The following ETS1 variants were observed in gnomAD, a reference collection of about 807,000 sequenced individuals.
ETS1 encodes the protein protein C-ets-1.
In ETS1, 15 loss-of-function variants were observed where a neutral mutation model predicts 58.6. That is an observed-to-expected ratio of 0.26 (90% CI 0.17 to 0.39). The LOEUF (loss-of-function observed/expected upper bound fraction) is 0.39. Among genes scored for constraint, ETS1 ranks in the 10% least tolerant of loss-of-function variants. The pLI, the probability that ETS1 is intolerant of heterozygous loss-of-function variation, is 1.00. For missense variants in ETS1, 417 were observed against 610.5 expected (o/e 0.68, Z 3.34); for synonymous variants, 214 against 218.2 (o/e 0.98, Z 0.17).
chr11:128,484,823 C>G lies in ETS1; in HGVS notation c.862G>C (p.Gly288Arg). ...DNMCMGRTSR[G>R]KLGGQDSFES... ...CTTTTAGAGAAGAAATATGACCTAC[C>G]ACGACTGGTCCTCCCCATGCACATG... The change falls in exon 7 of 10, where the codon GGT becomes CGT. Residue 288 changes from glycine (G) to arginine (R), a missense_variant and splice_region_variant. Coordinates refer to ENST00000392668, the MANE Select transcript of ETS1 (RefSeq NM_001143820.2). The G allele has an allele frequency of 6.2e-7, 1 of 1,612,772 alleles. No individual in the cohort carries two copies. The highest frequency in any genetic ancestry group is 8.5e-7 in the Non-Finnish European group (1 of 1,179,000).
chr11:128,516,877 T>C (rs985374274), intron 3 of ETS1, among the ~76,000 whole-genome samples: 1 of 152,086 alleles, frequency 6.6e-6, no homozygotes, highest in Non-Finnish European at 1.5e-5. Context: ...ATCATCCTGA[T>C]TATGAGAGAT....
At chr11:128,538,679 G>GTGCC (rs1295710451) in intron 3 of ETS1, among the ~76,000 whole-genome samples, 3 of 152,070 alleles carry the variant, frequency 2.0e-5, no homozygotes, top group Admixed American at 6.6e-5. Context: ...ATATATGGCA[G>GTGCC]TGCCTGGCTA....
At chr11:128,520,602 A>G (rs904546463) in intron 3 of ETS1, among the ~76,000 whole-genome samples, 5 of 152,216 alleles carry the variant, frequency 3.3e-5, no homozygotes, top group Admixed American at 3.3e-4. Context: ...AGTGCCTTAA[A>G]TGTCTCCATG....
At chr11:128,468,039 A>C (rs1303809330) in intron 8 of ETS1, among the ~76,000 whole-genome samples, 6 of 152,080 alleles carry the variant, frequency 3.9e-5, no homozygotes, top group African/African-American at 1.4e-4. Flanking sequence ...GACAGTTCTT[A>C]CTACACACTG....
intron 5 of ETS1, among the ~76,000 whole-genome samples, chr11:128,486,871 T>A (rs1352916587): frequency 6.6e-6 from 1 of 152,226 alleles, no homozygotes; most frequent in African/African-American, 2.4e-5. Flanking sequence ...CTAATTACCC[T>A]GGAACAAATG....
At chr11:128,513,119 C>G (rs963033866) in intron 3 of ETS1, among the ~76,000 whole-genome samples, 1 of 152,236 alleles carries the variant, frequency 6.6e-6, no homozygotes, top group Non-Finnish European at 1.5e-5. Context: ...CAATTTCTAA[C>G]ATCTCTGTTT....
chr11:128,538,755 T>TACACACACAC (rs141065992), intron 3 of ETS1, among the ~76,000 whole-genome samples: 1 of 144,864 alleles, frequency 6.9e-6, no homozygotes, highest in African/African-American at 2.5e-5. Context: ...CATACACACA[T>TACACACACAC]ACACACACAC....
chr11:128,572,769 G>T (rs1473658640), intron 2 of ETS1, among the ~76,000 whole-genome samples: 1 of 152,168 alleles, frequency 6.6e-6, no homozygotes, highest in Non-Finnish European at 1.5e-5. Flanking sequence ...CAAATGAACT[G>T]GGCAGTGAAA....
At chr11:128,468,649 G>A (rs1862103181) in intron 8 of ETS1, among the ~76,000 whole-genome samples, 1 of 152,104 alleles carries the variant, frequency 6.6e-6, no homozygotes, top group Admixed American at 6.5e-5. Flanking sequence ...ACAGAAGGAG[G>A]TCAACGCTGG....
chr11:128,514,272 T>C (rs1863465816), intron 3 of ETS1, among the ~76,000 whole-genome samples: 1 of 152,156 alleles, frequency 6.6e-6, no homozygotes, highest in Non-Finnish European at 1.5e-5. Flanking sequence ...ACCTATCTCA[T>C]AAGCTTACTC....
intron 1 of ETS1, among the ~76,000 whole-genome samples, chr11:128,584,443 C>A (rs921695800): frequency 6.6e-6 from 1 of 152,290 alleles, no homozygotes; most frequent in African/African-American, 2.4e-5. Context: ...GCCTCAGAGT[C>A]CCCACCTGGT....
intron 7 of ETS1, among the ~76,000 whole-genome samples, chr11:128,483,722 A>G (rs552994872): frequency 7.9e-5 from 12 of 152,300 alleles, no homozygotes; most frequent in Non-Finnish European, 1.8e-4. Context: ...AGAAGACGAC[A>G]ATGGGCATGA....
chr11:128,573,037 G>C, intron 2 of ETS1, 25 bp downstream of exon 2: 1 of 1,583,302 alleles, frequency 6.3e-7, no homozygotes, highest in Non-Finnish European at 8.6e-7. Flanking sequence ...GTGGGCAAAG[G>C]GGCAGGGAAG....
chr11:128,485,757 A>G (rs998084549), intron 6 of ETS1, among the ~76,000 whole-genome samples: 40 of 152,200 alleles, frequency 2.6e-4, no homozygotes, highest in Admixed American at 6.5e-5. Flanking sequence ...TCTTTTGGCC[A>G]TCGTAGTGCA....
intron 2 of ETS1, among the ~76,000 whole-genome samples, chr11:128,569,315 C>CTTATTTTTTTTTTT (rs1864572866): frequency 2.8e-5 from 1 of 35,136 alleles, no homozygotes; most frequent in Non-Finnish European, 6.1e-5. Context: ...GACAGAGTTT[C>CTTATTTTTTTTTTT]TTCTTTTTTT....
chr11:128,533,201 T>G (rs964507051), intron 3 of ETS1, among the ~76,000 whole-genome samples: 1 of 152,206 alleles, frequency 6.6e-6, no homozygotes, highest in Non-Finnish European at 1.5e-5. Flanking sequence ...AATAAATTAT[T>G]TGGAAAGGCA....
chr11:128,585,302 G>C (rs187598419), intron 1 of ETS1, among the ~76,000 whole-genome samples: 2 of 125,378 alleles, frequency 1.6e-5, no homozygotes, highest in East Asian at 4.9e-4. Flanking sequence ...TAGAAAGGGA[G>C]GGAAGGGAGG....
chr11:128,536,686 T>C (rs1863977762), intron 3 of ETS1: 1 of 152,174 alleles, frequency 6.6e-6, no homozygotes. Context: ...GAGCTTGGAA[T>C]TGGTTGAAGG....
chr11:128,571,298 C>A (rs1361159290), intron 2 of ETS1, among the ~76,000 whole-genome samples: 1 of 151,804 alleles, frequency 6.6e-6, no homozygotes, highest in Non-Finnish European at 1.5e-5. Context: ...CGCCTGTAGT[C>A]CCAGCTACTC....
Sources: gnomAD v4.1 joint callset for allele counts (sites outside exome capture counted in the v4.1 genomes callset) on GRCh38, gnomAD v4.1.1 for gene constraint, MANE v1.5 for transcripts, NCBI Gene and HGNC (gene_info 2026-07-23, HGNC 2026-07-21) for gene names.